The following SDK1 variants were observed in gnomAD, a reference collection of about 807,000 sequenced individuals.
SDK1 encodes the protein protein sidekick-1.
Under a neutral mutation model 245.5 loss-of-function variants are expected in SDK1, and 157 were observed. The observed-to-expected ratio is 0.64, with a 90% CI of 0.56 to 0.73. SDK1 has a LOEUF of 0.73. Ranked by LOEUF, SDK1 falls within the 30% of genes least tolerant of loss-of-function variation. SDK1 has a pLI of 0.00. For missense variants in SDK1, 3,583 were observed against 3,002.3 expected, an observed-to-expected ratio of 1.19 and a Z score of -4.52; for synonymous variants, 1,647 against 1,278.5, an observed-to-expected ratio of 1.29 and a Z score of -6.15.
chr7:3,492,536 G>C (rs1248170906), intron 1 of SDK1, among the ~76,000 whole-genome samples: 3 of 152,222 alleles, frequency 2.0e-5, no homozygotes, highest in African/African-American at 7.2e-5. Flanking sequence ...CCTGACGGAT[G>C]TCAGTGAAAT....
rs201905790 is a variant in SDK1, at chr7:4,178,579, C to T, written c.5091C>T (p.Gly1697=). Residue 1697 remains glycine, a synonymous_variant, in exon 35 of 45, where the codon GGC becomes GGT. Coordinates refer to ENST00000404826, the MANE Select transcript of SDK1 (RefSeq NM_152744.4). ...PASAPVEVFV[G]EAAPAMAPQN... ...GCGCGCCCGTGGAGGTCTTTGTCGGCGAGGCTGGTAAGCTCCGTGCACCCC... is the reference window on the plus strand; with the variant it reads ...GCGCGCCCGTGGAGGTCTTTGTCGGTGAGGCTGGTAAGCTCCGTGCACCCC... 357 of 1,609,926 alleles carry T rather than the reference C, an allele frequency of 2.2e-4. 1 individual carries two copies. The highest frequency in any genetic ancestry group is 7.2e-4 in the Admixed American group (43 of 60,020).
intron 34 of SDK1, among the ~76,000 whole-genome samples, chr7:4,177,066 G>A (rs563661692): frequency 6.6e-6 from 1 of 152,348 alleles, no homozygotes; most frequent in East Asian, 1.9e-4. Flanking sequence ...CCTATGTTGT[G>A]TTCAGGCATT....
At chr7:3,664,140 G>T (rs1313726478) in intron 4 of SDK1, among the ~76,000 whole-genome samples, 1 of 152,052 alleles carries the variant, frequency 6.6e-6, no homozygotes, top group African/African-American at 2.4e-5. Flanking sequence ...TTTGCCACTG[G>T]GAGATATTTT....
intron 4 of SDK1, among the ~76,000 whole-genome samples, chr7:3,780,346 A>G (rs1280855967): frequency 1.3e-5 from 2 of 152,232 alleles, no homozygotes; most frequent in Non-Finnish European, 2.9e-5. Context: ...CTCTTAGGAA[A>G]CACTAGGAGA....
At chr7:3,764,991 A>G (rs1418866441) in intron 4 of SDK1, among the ~76,000 whole-genome samples, 1 of 152,152 alleles carries the variant, frequency 6.6e-6, no homozygotes, top group Non-Finnish European at 1.5e-5. Flanking sequence ...TGAATTATGA[A>G]TCTCAAGTAT....
At chr7:3,584,763 C>T (rs983410972) in intron 1 of SDK1, among the ~76,000 whole-genome samples, 1 of 150,528 alleles carries the variant, frequency 6.6e-6, no homozygotes, top group Non-Finnish European at 1.5e-5. Context: ...TCTCGCTGTC[C>T]CCCAGGCTGG....
chr7:3,891,318 C>T (rs929317133), intron 5 of SDK1, among the ~76,000 whole-genome samples: 1 of 152,140 alleles, frequency 6.6e-6, no homozygotes, highest in African/African-American at 2.4e-5. Flanking sequence ...TGAATCTGCC[C>T]TCTGCCAGGT....
intron 1 of SDK1, among the ~76,000 whole-genome samples, chr7:3,442,636 G>C (rs1476133062): frequency 1.3e-5 from 2 of 152,158 alleles, no homozygotes; most frequent in African/African-American, 2.4e-5. Flanking sequence ...GTTTCTCTAA[G>C]CCTATTTTCT....
At chr7:4,046,968 C>G (rs1478260984) in intron 17 of SDK1, among the ~76,000 whole-genome samples, 1 of 152,018 alleles carries the variant, frequency 6.6e-6, no homozygotes, top group Non-Finnish European at 1.5e-5. Context: ...TCCAATGCAC[C>G]CATGTGATAT....
intron 19 of SDK1, among the ~76,000 whole-genome samples, chr7:4,058,129 A>G (rs925265948): frequency 1.3e-5 from 2 of 152,202 alleles, no homozygotes; most frequent in East Asian, 3.8e-4. Context: ...GATAAAAGAG[A>G]CACAGATAAA....
At chr7:4,074,731 C>T (rs763961718) in intron 20 of SDK1, among the ~76,000 whole-genome samples, 2 of 150,978 alleles carry the variant, frequency 1.3e-5, no homozygotes, top group Non-Finnish European at 2.9e-5. Context: ...GGCATGGTGG[C>T]ACATGCCTAT....
At chr7:3,509,641 C>T (rs1362042110) in intron 1 of SDK1, among the ~76,000 whole-genome samples, 3 of 152,128 alleles carry the variant, frequency 2.0e-5, no homozygotes, top group Non-Finnish European at 4.4e-5. Context: ...CTCTGGGCCC[C>T]TCTTCCTCAA....
chr7:3,472,846 G>C (rs1367141880), intron 1 of SDK1, among the ~76,000 whole-genome samples: 2 of 152,176 alleles, frequency 1.3e-5, no homozygotes, highest in Admixed American at 6.6e-5. Context: ...CTGGCTTACA[G>C]TACCAGCATG....
intron 1 of SDK1, among the ~76,000 whole-genome samples, chr7:3,360,803 T>A (rs776667389): frequency 1.3e-5 from 2 of 152,118 alleles, no homozygotes; most frequent in African/African-American, 4.8e-5. Flanking sequence ...AAGACTCCAC[T>A]CTGTTATGTA....
intron 5 of SDK1, among the ~76,000 whole-genome samples, chr7:3,903,231 C>T (rs554412473): frequency 3.3e-5 from 5 of 151,618 alleles, no homozygotes; most frequent in South Asian, 4.2e-4. Context: ...GCAAGCTCCA[C>T]CTCCCGGGTT....
intron 5 of SDK1, among the ~76,000 whole-genome samples, chr7:3,941,773 G>A (rs1283500174): frequency 1.3e-5 from 2 of 152,178 alleles, no homozygotes; most frequent in African/African-American, 4.8e-5. Flanking sequence ...ACGTTAGGCA[G>A]TTCAACTTTG....
At chr7:3,507,204 G>C (rs1782421678) in intron 1 of SDK1, among the ~76,000 whole-genome samples, 1 of 152,146 alleles carries the variant, frequency 6.6e-6, no homozygotes, top group South Asian at 2.1e-4. Context: ...CATTTACCCA[G>C]CTTAGTTCTC....
intron 1 of SDK1, among the ~76,000 whole-genome samples, chr7:3,394,924 A>G (rs1369839414): frequency 2.0e-5 from 3 of 151,998 alleles, no homozygotes; most frequent in African/African-American, 7.2e-5. Flanking sequence ...GGGGTTTTCT[A>G]TATACAGGAT....
rs562184999 is a variant in SDK1 at position 4,030,415 on chromosome 7, C to T, written c.2602+13063C>T. ...TCCTCCTTATGATGTACACCCTGCA[C>T]GAGTTGACGTAAGGAGCAGGAAGGT... is the stretch of plus-strand genomic sequence containing the variant. On this transcript the variant is annotated intron_variant, in intron 17 of 44. Transcript: ENST00000404826. 5.3e-5 allele frequency among the ~76,000 whole-genome samples: 8 copies of T among 152,310 alleles called. No homozygotes were observed. In the East Asian group the frequency reaches 1.4e-3, roughly 26 times the overall value.
Sources: gnomAD v4.1 joint callset for allele counts (sites outside exome capture counted in the v4.1 genomes callset) on GRCh38, gnomAD v4.1.1 for gene constraint, MANE v1.5 for transcripts, NCBI Gene and HGNC (gene_info 2026-07-23, HGNC 2026-07-21) for gene names.